The following LPCAT2 variants were observed in gnomAD, a reference collection of about 807,000 sequenced individuals.
LPCAT2 encodes the protein 1-AGP acyltransferase 11.
In LPCAT2, 58 loss-of-function variants were observed where a neutral mutation model predicts 64.7. The observed-to-expected ratio is 0.90, with a 90% CI of 0.73 to 1.12. The LOEUF is 1.12. Among genes scored for constraint, LPCAT2 ranks in the 50% most tolerant of loss-of-function variants. The pLI is 0.00. For synonymous variants in LPCAT2, 252 were observed against 245.3 expected (o/e 1.03, Z -0.26); for missense variants, 579 against 669.8 (o/e 0.86, Z 1.50).
intron 11 of LPCAT2, among the ~76,000 whole-genome samples, chr16:55,553,547 T>TC (rs1481775926): frequency 3.9e-5 from 6 of 152,214 alleles, no homozygotes; most frequent in African/African-American, 1.4e-4. Flanking sequence ...TCTAGCTCTC[T>TC]TGCTATTTCC....
chr16:55,570,623 T>G (rs914701420), intron 11 of LPCAT2, among the ~76,000 whole-genome samples: 1 of 152,066 alleles, frequency 6.6e-6, no homozygotes, highest in Non-Finnish European at 1.5e-5. Context: ...TAAAAAAATC[T>G]TATCAGTAGT....
chr16:55,534,989 A>C (rs879726528), intron 7 of LPCAT2, among the ~76,000 whole-genome samples: 2 of 152,192 alleles, frequency 1.3e-5, no homozygotes, highest in Non-Finnish European at 2.9e-5. Flanking sequence ...TTCTATAAGC[A>C]CTTTACTTAA....
chr16:55,528,049 GTTTC>G (rs764820636), intron 2 of LPCAT2, among the ~76,000 whole-genome samples: 20 of 152,168 alleles, frequency 1.3e-4, no homozygotes, highest in South Asian at 2.1e-4. Flanking sequence ...TGATGGAGCT[GTTTC>G]TTAGCCACAC....
rs1485861482 is a variant in LPCAT2 at position 55,579,250 on chromosome 16, TA to T, written c.1450+7del. 1 of 1,611,292 alleles carries T rather than the reference TA, an allele frequency of 6.2e-7. No individual in the cohort carries two copies. Among genetic ancestry groups the T allele is most frequent in the South Asian group, 1.1e-5 (1 of 90,648 alleles). ...AGGGGACTCAATTTCCTATGGTGAG[TA>T]GGCAATCTGGCCTCCTGACTTAGTT... On this transcript the variant is annotated splice_region_variant and intron_variant, in intron 13 of 13. Coordinates refer to ENST00000262134, the MANE Select transcript of LPCAT2 (RefSeq NM_017839.5).
At chr16:55,582,193 C>A (rs377378827) in intron 13 of LPCAT2, among the ~76,000 whole-genome samples, 1 of 152,142 alleles carries the variant, frequency 6.6e-6, no homozygotes, top group South Asian at 2.1e-4. Flanking sequence ...AACTACCATT[C>A]AAGTCAAGAA....
chr16:55,535,685 A>G (rs8182127), intron 7 of LPCAT2, among the ~76,000 whole-genome samples: 13,262 of 152,236 alleles, frequency 0.087, 736 homozygotes, highest in Middle Eastern at 0.15. Flanking sequence ...GGTAGTATGA[A>G]AGTATTTGGG....
At position 55,549,298 on chromosome 16, in the gene LPCAT2, A is replaced by G. The variant is rs953658017; in HGVS notation, c.957A>G (p.Thr319=). The change falls in exon 10 of 14, where the codon ACA becomes ACG. Residue 319 remains threonine (T), a synonymous_variant. Transcript: ENST00000262134. ...TTAGAGCTCTGGGAATACCAGTAACAGATCATACCTATGAAGACTGCAGAT... is the reference window on the plus strand; with the variant it reads ...TTAGAGCTCTGGGAATACCAGTAACGGATCATACCTATGAAGACTGCAGAT... ...LMAEALGIPV[T]DHTYEDCRLM... 13 of 1,584,398 alleles carry G rather than the reference A, an allele frequency of 8.2e-6. No individual in the cohort carries two copies. In the African/African-American group the frequency reaches 1.8e-4, roughly 22 times the overall value.
chr16:55,542,339 G>A (rs989449130), intron 8 of LPCAT2, among the ~76,000 whole-genome samples: 3 of 152,154 alleles, frequency 2.0e-5, no homozygotes, highest in Non-Finnish European at 2.9e-5. Flanking sequence ...AGAGAATACT[G>A]TATTTGAAAG....
At chr16:55,516,187 C>T (rs1274169192) in intron 1 of LPCAT2, among the ~76,000 whole-genome samples, 3 of 152,186 alleles carry the variant, frequency 2.0e-5, no homozygotes, top group Non-Finnish European at 4.4e-5. Flanking sequence ...TCACTCTAGC[C>T]TTGACCTCCT....
At chr16:55,572,701 G>A (rs1354240715) in intron 11 of LPCAT2, among the ~76,000 whole-genome samples, 1 of 152,184 alleles carries the variant, frequency 6.6e-6, no homozygotes, top group Non-Finnish European at 1.5e-5. Flanking sequence ...CACGCCTGTA[G>A]TTACAGCTCC....
intron 11 of LPCAT2, among the ~76,000 whole-genome samples, chr16:55,555,024 T>G (rs1401491359): frequency 6.6e-6 from 1 of 152,168 alleles, no homozygotes; most frequent in Non-Finnish European, 1.5e-5. Context: ...AGATCACAAA[T>G]TATAGATCAC....
intron 9 of LPCAT2, among the ~76,000 whole-genome samples, chr16:55,547,471 G>A (rs1044681397): frequency 9.2e-5 from 14 of 152,184 alleles, no homozygotes; most frequent in South Asian, 2.1e-4. Context: ...ACTGTGGTAG[G>A]CCCTCAACTT....
chr16:55,519,885 A>G (rs1329955559), intron 1 of LPCAT2, among the ~76,000 whole-genome samples: 1 of 152,184 alleles, frequency 6.6e-6, no homozygotes, highest in Non-Finnish European at 1.5e-5. Flanking sequence ...ACTGCTGACT[A>G]AAAGTACAAG....
intron 1 of LPCAT2, among the ~76,000 whole-genome samples, chr16:55,523,506 A>G (rs1963126857): frequency 6.6e-6 from 1 of 151,780 alleles, no homozygotes; most frequent in South Asian, 2.1e-4. Context: ...GAGGTATAAT[A>G]GCTGAAAACT....
chr16:55,567,499 C>G, intron 11 of LPCAT2: 1 of 1,611,732 alleles, frequency 6.2e-7, no homozygotes, highest in Non-Finnish European at 8.5e-7. Context: ...ACCATGTATT[C>G]CTGAAGTGGG....
intron 11 of LPCAT2, among the ~76,000 whole-genome samples, chr16:55,568,289 A>C (rs1963730311): frequency 6.6e-6 from 1 of 152,244 alleles, no homozygotes; most frequent in Non-Finnish European, 1.5e-5. Flanking sequence ...CACGTACTTC[A>C]TACAAAATCA....
At chr16:55,532,972 T>C in intron 6 of LPCAT2, 90 bp downstream of exon 6, 1 of 1,075,112 alleles carries the variant, frequency 9.3e-7, no homozygotes, top group Non-Finnish European at 1.4e-6. Flanking sequence ...AATAAGGTTG[T>C]GAACAGATAA....
intron 12 of LPCAT2, among the ~76,000 whole-genome samples, chr16:55,577,851 T>C (rs1051314881): frequency 5.9e-5 from 9 of 152,150 alleles, no homozygotes; most frequent in Admixed American, 3.3e-4. Context: ...GAAGAGTCCA[T>C]ATTTCTTGCC....
At chr16:55,570,386 G>T (rs2142416904) in intron 11 of LPCAT2, among the ~76,000 whole-genome samples, 1 of 152,222 alleles carries the variant, frequency 6.6e-6, no homozygotes, top group Admixed American at 6.5e-5. Context: ...ACTTTGGGAG[G>T]CTGAGGTGGG....
Sources: gnomAD v4.1 joint callset for allele counts (sites outside exome capture counted in the v4.1 genomes callset) on GRCh38, gnomAD v4.1.1 for gene constraint, MANE v1.5 for transcripts, NCBI Gene and HGNC (gene_info 2026-07-23, HGNC 2026-07-21) for gene names.